Variants in AKT3 observed in about 807,000 individuals in gnomAD.
AKT3 encodes the protein AKT serine/threonine kinase 3.
In AKT3, 15 loss-of-function variants were observed where a neutral mutation model predicts 65.3. The ratio of observed to expected loss-of-function variants is 0.23; its 90% CI spans 0.15 to 0.35. The LOEUF (loss-of-function observed/expected upper bound fraction) is 0.35, where lower values mean the gene tolerates loss of function less well. AKT3 is among the 10% of genes least tolerant of loss of function. The pLI is 1.00. For missense variants in AKT3, 243 were observed against 576.5 expected (o/e 0.42, Z 5.92); for synonymous variants, 206 against 183.8 (o/e 1.12, Z -0.98).
At chr1:243,828,169 T>C (rs1187379053) in intron 2 of AKT3, among the ~76,000 whole-genome samples, 3 of 152,160 alleles carry the variant, frequency 2.0e-5, no homozygotes, top group Non-Finnish European at 2.9e-5. Context: ...ATTAGTAAAG[T>C]TGATGTCAAA....
chr1:243,693,746 T>A (rs1305978842), intron 3 of AKT3, among the ~76,000 whole-genome samples: 2 of 152,140 alleles, frequency 1.3e-5, no homozygotes, highest in African/African-American at 4.8e-5. Flanking sequence ...CTCACATAAC[T>A]GTTATTACAG....
chr1:243,675,300 C>A (rs879496170), intron 3 of AKT3, among the ~76,000 whole-genome samples: 2 of 152,138 alleles, frequency 1.3e-5, no homozygotes, highest in Non-Finnish European at 2.9e-5. Flanking sequence ...CCTGGGCTCA[C>A]GCCATTCTCC....
chr1:243,629,636 C>A (rs1294532325), intron 6 of AKT3, among the ~76,000 whole-genome samples: 1 of 151,940 alleles, frequency 6.6e-6, no homozygotes, highest in Non-Finnish European at 1.5e-5. Flanking sequence ...ACTAAAAGTA[C>A]AAAAAATTAG....
chr1:243,499,742 AT>A lies in AKT3; in HGVS notation c.*5506del, dbSNP rs1669053292. 1.9e-6 allele frequency: 3 copies of A among 1,606,012 alleles called. No individual in the cohort carries two copies. The highest frequency in any genetic ancestry group is 2.6e-6 in the Non-Finnish European group (3 of 1,172,886). ...CATGAGCTATTGAAACTTACTTTTTATTATTTTTTCCAGTTACCCAGCATGC... is the reference window on the plus strand; with the variant it reads ...CATGAGCTATTGAAACTTACTTTTTATATTTTTTCCAGTTACCCAGCATGC... On this transcript the variant is annotated 3_prime_UTR_variant, in exon 14 of 14. Coordinates refer to ENST00000673466, the MANE Select transcript of AKT3 (RefSeq NM_005465.7).
intron 6 of AKT3, among the ~76,000 whole-genome samples, chr1:243,623,178 C>T (rs764431502): frequency 4.7e-4 from 72 of 152,156 alleles, no homozygotes; most frequent in African/African-American, 1.4e-3. Context: ...ATTAATACTT[C>T]GTGCCTGATT....
intron 4 of AKT3, among the ~76,000 whole-genome samples, chr1:243,650,356 T>C (rs1395553410): frequency 6.6e-6 from 1 of 152,268 alleles, no homozygotes; most frequent in African/African-American, 2.4e-5. Context: ...TTCTGTAGGC[T>C]GCCTGTTCTC....
chr1:243,594,761 G>A (rs1414677801), intron 8 of AKT3, among the ~76,000 whole-genome samples: 3 of 152,030 alleles, frequency 2.0e-5, no homozygotes, highest in Admixed American at 2.0e-4. Context: ...TTTTTATTTT[G>A]TAGAGACAGG....
At chr1:243,572,887 T>C (rs2148506812) in intron 9 of AKT3, 39 bp downstream of exon 9, 2 of 1,577,376 alleles carry the variant, frequency 1.3e-6, no homozygotes, top group Non-Finnish European at 1.7e-6. Flanking sequence ...CTATAGTCTC[T>C]GCAAAAACAA....
chr1:243,708,075 C>T (rs1374951766), intron 2 of AKT3, among the ~76,000 whole-genome samples: 1 of 152,004 alleles, frequency 6.6e-6, no homozygotes, highest in Non-Finnish European at 1.5e-5. Context: ...AACTAAAACG[C>T]ACCCGCCAAG....
intron 8 of AKT3, among the ~76,000 whole-genome samples, chr1:243,597,759 C>T (rs902137260): frequency 6.6e-6 from 1 of 152,216 alleles, no homozygotes; most frequent in Non-Finnish European, 1.5e-5. Flanking sequence ...GCCTTGGCCT[C>T]CCAAAGTGCT....
At chr1:243,838,602 G>C (rs1003272375) in intron 2 of AKT3, among the ~76,000 whole-genome samples, 6 of 152,060 alleles carry the variant, frequency 3.9e-5, no homozygotes, top group African/African-American at 1.4e-4. Context: ...AATTTGACTA[G>C]ATAACAAGAA....
chr1:243,573,888 A>G (rs1403071050), intron 8 of AKT3, among the ~76,000 whole-genome samples: 5 of 152,142 alleles, frequency 3.3e-5, no homozygotes, highest in Non-Finnish European at 7.4e-5. Context: ...AACTACAAAT[A>G]TTATCTCAAT....
chr1:243,825,985 A>G (rs2148436024), intron 2 of AKT3, among the ~76,000 whole-genome samples: 1 of 152,220 alleles, frequency 6.6e-6, no homozygotes, highest in Non-Finnish European at 1.5e-5. Context: ...TACAAAAATT[A>G]GCCAGGTGTT....
At chr1:243,592,117 C>T (rs867325233) in intron 8 of AKT3, among the ~76,000 whole-genome samples, 18 of 152,018 alleles carry the variant, frequency 1.2e-4, no homozygotes, top group African/African-American at 4.1e-4. Context: ...GGGCGGATCA[C>T]GAGGTCAGGA....
At chr1:243,771,681 C>G (rs959218770) in intron 2 of AKT3, among the ~76,000 whole-genome samples, 8 of 152,120 alleles carry the variant, frequency 5.3e-5, no homozygotes, top group Admixed American at 2.6e-4. Flanking sequence ...ATACTCTTAG[C>G]TAAAAATACC....
At chr1:243,782,566 G>A (rs1279719026) in intron 2 of AKT3, among the ~76,000 whole-genome samples, 6 of 152,042 alleles carry the variant, frequency 3.9e-5, no homozygotes, top group Admixed American at 6.6e-5. Flanking sequence ...TATCATATCC[G>A]GGATTAGGTT....
chr1:243,767,526 T>C (rs1318728025), intron 2 of AKT3, among the ~76,000 whole-genome samples: 2 of 152,126 alleles, frequency 1.3e-5, no homozygotes, highest in Admixed American at 6.5e-5. Context: ...TAAAAAACTA[T>C]ATAGAGTATT....
chr1:243,653,876 G>C (rs577271576), intron 4 of AKT3, among the ~76,000 whole-genome samples: 1 of 152,168 alleles, frequency 6.6e-6, no homozygotes, highest in Non-Finnish European at 1.5e-5. Flanking sequence ...TATGCTTACT[G>C]TTTCCATGAT....
intron 3 of AKT3, among the ~76,000 whole-genome samples, chr1:243,668,355 TAAAAG>T (rs1394157271): frequency 1.3e-5 from 2 of 152,064 alleles, no homozygotes; most frequent in East Asian, 3.9e-4. Context: ...AGTAATAAAA[TAAAAG>T]AGAAGATATA....
Sources: gnomAD v4.1 joint callset for allele counts (sites outside exome capture counted in the v4.1 genomes callset) on GRCh38, gnomAD v4.1.1 for gene constraint, MANE v1.5 for transcripts, NCBI Gene and HGNC (gene_info 2026-07-23, HGNC 2026-07-21) for gene names.